EYS: variants seen among roughly 807,000 people sequenced by gnomAD.
The protein encoded by EYS is EGF-like photoreceptor maintenance factor.
EYS carries 250 observed loss-of-function variants against 282.1 expected under a neutral mutation model. The ratio of observed to expected loss-of-function variants is 0.89; its 90% CI spans 0.80 to 0.98. The LOEUF is 0.98. EYS is among the 50% of genes least tolerant of loss of function. The pLI is 0.00. For missense variants in EYS, 4,016 were observed against 3,709.0 expected, an observed-to-expected ratio of 1.08 and a Z score of -2.15; for synonymous variants, 1,355 against 1,282.9, an observed-to-expected ratio of 1.06 and a Z score of -1.20.
intron 35 of EYS, among the ~76,000 whole-genome samples, chr6:63,979,158 G>A (rs1766978025): frequency 6.6e-6 from 1 of 151,850 alleles, no homozygotes; most frequent in Admixed American, 6.6e-5. Flanking sequence ...GCCAAATCCT[G>A]CCAGCCACCT....
intron 12 of EYS, among the ~76,000 whole-genome samples, chr6:65,071,971 A>C (rs9453173): frequency 0.32 from 48,913 of 151,414 alleles, 8,065 homozygotes; most frequent in African/African-American, 0.35. Context: ...GTGTCTTGAT[A>C]TTGACTTTCC....
chr6:65,582,306 G>T (rs1318269241), intron 2 of EYS, among the ~76,000 whole-genome samples: 1 of 151,982 alleles, frequency 6.6e-6, no homozygotes, highest in African/African-American at 2.4e-5. Flanking sequence ...TTCATTTATA[G>T]GGAATACTTT....
chr6:65,118,878 GAAA>G (rs528289808), intron 12 of EYS, among the ~76,000 whole-genome samples: 3 of 87,292 alleles, frequency 3.4e-5, no homozygotes, highest in African/African-American at 5.1e-5. Flanking sequence ...GTTCTTTAAG[GAAA>G]AAAAAAAAAA....
chr6:65,078,811 A>G (rs960089592), intron 12 of EYS, among the ~76,000 whole-genome samples: 1 of 151,766 alleles, frequency 6.6e-6, no homozygotes, highest in East Asian at 1.9e-4. Context: ...AGGCGTTTTG[A>G]TCATGCAGGC....
At position 65,397,583 on chromosome 6, in the gene EYS, G is replaced by GGT. The variant is rs58522364; in HGVS notation, c.1184+4893_1184+4894dup. 7.3e-3 allele frequency among the ~76,000 whole-genome samples: 1,007 copies of GGT among 138,266 alleles called. 4 individuals carry two copies. Among genetic ancestry groups the GGT allele is most frequent in the Middle Eastern group, 0.011 (3 of 268 alleles). The allele number at this position is 138,266 out of a possible 152,430, so 90.7% of individuals were successfully genotyped here. A position where few individuals can be genotyped will look rare whatever the true frequency, so the allele number is the denominator to read the frequency against. On this transcript the variant is annotated intron_variant, in intron 7 of 42. Coordinates refer to ENST00000503581, the MANE Select transcript of EYS (RefSeq NM_001142800.2). The stretch of plus-strand genomic sequence containing the variant: ...TTTGGGTGGCTAAGTTGTATTTCAT[G>GGT]GTGTGTGTGTGTGTGTGTGTGTGTG...
intron 26 of EYS, among the ~76,000 whole-genome samples, chr6:64,550,125 C>T (rs896316631): frequency 9.2e-5 from 14 of 152,146 alleles, no homozygotes; most frequent in East Asian, 1.9e-4. Context: ...TTTTCTTAAT[C>T]GAGTCTATCA....
intron 7 of EYS, among the ~76,000 whole-genome samples, chr6:65,390,077 A>C (rs2150355591): frequency 6.6e-6 from 1 of 152,080 alleles, no homozygotes; most frequent in Middle Eastern, 3.4e-3. Context: ...AGAGTGAAAG[A>C]ATTTAAATTA....
intron 30 of EYS, among the ~76,000 whole-genome samples, chr6:64,292,625 G>C (rs1220931997): frequency 6.6e-6 from 1 of 151,850 alleles, no homozygotes; most frequent in Non-Finnish European, 1.5e-5. Flanking sequence ...TTACATCTTT[G>C]TTTTTTTGTG....
At chr6:65,439,034 A>C (rs1208791052) in intron 5 of EYS, among the ~76,000 whole-genome samples, 3 of 152,272 alleles carry the variant, frequency 2.0e-5, no homozygotes, top group East Asian at 1.9e-4. Flanking sequence ...TTTTTGTATA[A>C]GGTGTAAGGA....
Position 64,556,254 on chromosome 6 carries a change from TA to T in EYS, c.5644+33968del, listed in dbSNP as rs539254346. Among the ~76,000 whole-genome samples, 96 of 152,102 alleles carry T rather than the reference TA, an allele frequency of 6.3e-4. 1 individual carries two copies. Among genetic ancestry groups the T allele is most frequent in the African/African-American group, 1.9e-3 (81 of 41,548 alleles). On this transcript the variant is annotated intron_variant, in intron 26 of 42. Coordinates refer to ENST00000503581, the MANE Select transcript of EYS (RefSeq NM_001142800.2). ...AATTTTTATTATGTGGAGAATAGAT[TA>T]AAAATTAAGGTATATTCAGACAATA...
At chr6:65,481,290 GAAC>G (rs1218386032) in intron 5 of EYS, among the ~76,000 whole-genome samples, 2 of 151,874 alleles carry the variant, frequency 1.3e-5, no homozygotes, top group African/African-American at 4.8e-5. Flanking sequence ...TCTATACATT[GAAC>G]AACAATAAAA....
chr6:64,220,891 C>G (rs1190045302), intron 31 of EYS, among the ~76,000 whole-genome samples: 2 of 152,118 alleles, frequency 1.3e-5, no homozygotes, highest in African/African-American at 4.8e-5. Flanking sequence ...CACTTAAACT[C>G]TCTCCTCCAT....
chr6:65,198,670 C>T (rs1562017718), intron 12 of EYS, among the ~76,000 whole-genome samples: 1 of 152,050 alleles, frequency 6.6e-6, no homozygotes, highest in Non-Finnish European at 1.5e-5. Flanking sequence ...GTTAAGAGAG[C>T]AACATAATCT....
At chr6:64,075,163 G>A (rs1449690416) in intron 32 of EYS, among the ~76,000 whole-genome samples, 1 of 151,958 alleles carries the variant, frequency 6.6e-6, no homozygotes, top group Non-Finnish European at 1.5e-5. Context: ...GTCTGGATTT[G>A]TATACAGCAG....
At chr6:64,451,139 G>T (rs1775320924) in intron 26 of EYS, among the ~76,000 whole-genome samples, 1 of 151,882 alleles carries the variant, frequency 6.6e-6, no homozygotes, top group Non-Finnish European at 1.5e-5. Flanking sequence ...AAAGAGAGAA[G>T]AATCAAATAG....
intron 22 of EYS, among the ~76,000 whole-genome samples, chr6:64,771,379 C>A (rs2149986198): frequency 6.6e-6 from 1 of 151,506 alleles, no homozygotes; most frequent in Non-Finnish European, 1.5e-5. Context: ...TGTTGATGTT[C>A]CTGTATTATT....
chr6:64,631,989 C>T (rs1767798901), intron 22 of EYS, among the ~76,000 whole-genome samples: 9 of 151,660 alleles, frequency 5.9e-5, no homozygotes, highest in Admixed American at 5.9e-4. Flanking sequence ...TTTATAATTT[C>T]TAATATCCCA....
At chr6:64,038,828 G>A (rs1367010508) in intron 33 of EYS, among the ~76,000 whole-genome samples, 2 of 149,482 alleles carry the variant, frequency 1.3e-5, no homozygotes, top group East Asian at 2.0e-4. Flanking sequence ...TTCTTGAGAC[G>A]GAGTCTCGCT....
At chr6:65,562,129 A>G (rs1361156525) in intron 2 of EYS, among the ~76,000 whole-genome samples, 1 of 151,986 alleles carries the variant, frequency 6.6e-6, no homozygotes, top group East Asian at 1.9e-4. Context: ...AGAAAAAATT[A>G]GCCTACTATC....
Sources: gnomAD v4.1 joint callset for allele counts (sites outside exome capture counted in the v4.1 genomes callset) on GRCh38, gnomAD v4.1.1 for gene constraint, MANE v1.5 for transcripts, NCBI Gene and HGNC (gene_info 2026-07-23, HGNC 2026-07-21) for gene names.